RAPGEF4: variants seen among roughly 807,000 people sequenced by gnomAD.
RAPGEF4 encodes Rap guanine nucleotide exchange factor 4, also known as RAP guanine-nucleotide-exchange factor (GEF) 4.
A neutral mutation model predicts 147.9 loss-of-function variants in RAPGEF4; 66 were observed. The observed-to-expected ratio is 0.45, with a 90% CI of 0.37 to 0.55. The LOEUF (loss-of-function observed/expected upper bound fraction) is 0.55, where lower values mean the gene tolerates loss of function less well. RAPGEF4 is among the 20% of genes least tolerant of loss of function. The pLI is 0.00. For missense variants in RAPGEF4, 1,071 were observed against 1,257.3 expected, an observed-to-expected ratio of 0.85 and a Z score of 2.24; for synonymous variants, 419 against 442.7, an observed-to-expected ratio of 0.95 and a Z score of 0.67.
chr2:172,855,941 G>A (rs1312552989), intron 4 of RAPGEF4, among the ~76,000 whole-genome samples: 7 of 151,830 alleles, frequency 4.6e-5, no homozygotes, highest in Non-Finnish European at 8.8e-5. Flanking sequence ...TCTTTGTTTT[G>A]TTTTGTTTTT....
intron 4 of RAPGEF4, among the ~76,000 whole-genome samples, chr2:172,905,012 G>A (rs1035107261): frequency 4.0e-5 from 6 of 151,820 alleles, no homozygotes; most frequent in Non-Finnish European, 8.8e-5. Context: ...CTACCCTCCT[G>A]TCTTCCCCAA....
chr2:172,854,041 G>A (rs1693149680), intron 4 of RAPGEF4, among the ~76,000 whole-genome samples: 1 of 151,810 alleles, frequency 6.6e-6, no homozygotes, highest in Non-Finnish European at 1.5e-5. Flanking sequence ...AATCTATCAT[G>A]CACACTTGAA....
At chr2:172,884,074 T>C (rs532888037) in intron 4 of RAPGEF4, among the ~76,000 whole-genome samples, 1 of 152,244 alleles carries the variant, frequency 6.6e-6, no homozygotes, top group East Asian at 1.9e-4. Flanking sequence ...CCACAGCAAT[T>C]TTGCTACAAC....
chr2:172,804,238 C>T (rs1316497556), intron 3 of RAPGEF4, among the ~76,000 whole-genome samples: 1 of 152,122 alleles, frequency 6.6e-6, no homozygotes, highest in Non-Finnish European at 1.5e-5. Context: ...ATATTGCCTT[C>T]CTGTTTCAAG....
intron 4 of RAPGEF4, chr2:172,894,038 C>T (rs577476829): frequency 6.6e-6 from 1 of 152,342 alleles, no homozygotes; most frequent in Non-Finnish European, 1.5e-5. Context: ...AAGACTTCTT[C>T]GTTCTTGAAT....
chr2:172,938,257 G>C (rs1403810435), intron 6 of RAPGEF4, among the ~76,000 whole-genome samples: 1 of 150,354 alleles, frequency 6.7e-6, no homozygotes, highest in East Asian at 2.0e-4. Context: ...ACAACCATCT[G>C]TATCTATGTT....
At chr2:172,911,987 G>A (rs57487752) in intron 4 of RAPGEF4, among the ~76,000 whole-genome samples, 1 of 151,598 alleles carries the variant, frequency 6.6e-6, no homozygotes, top group Non-Finnish European at 1.5e-5. Context: ...GGCTGGTTTC[G>A]AACTCCTGGC....
intron 21 of RAPGEF4, among the ~76,000 whole-genome samples, chr2:173,018,098 G>A (rs1695673354): frequency 6.6e-6 from 1 of 152,182 alleles, no homozygotes; most frequent in Non-Finnish European, 1.5e-5. Flanking sequence ...TTGCTCCCAG[G>A]ATTTTTGTGT....
intron 3 of RAPGEF4, among the ~76,000 whole-genome samples, chr2:172,800,964 A>G (rs897939281): frequency 6.6e-6 from 1 of 152,184 alleles, no homozygotes; most frequent in African/African-American, 2.4e-5. Flanking sequence ...GGTAAGGAGC[A>G]AGGAGAGACC....
At chr2:172,871,779 AGCT>A (rs916490938) in intron 4 of RAPGEF4, among the ~76,000 whole-genome samples, 1 of 152,088 alleles carries the variant, frequency 6.6e-6, no homozygotes. Context: ...TGCATTGAGA[AGCT>A]GCTATTTTCA....
At chr2:172,903,089 C>T (rs1038482845) in intron 4 of RAPGEF4, among the ~76,000 whole-genome samples, 1 of 152,052 alleles carries the variant, frequency 6.6e-6, no homozygotes, top group East Asian at 1.9e-4. Flanking sequence ...AAAGTCTCGG[C>T]CAGGTGCGGT....
chr2:172,988,273 G>A lies in RAPGEF4; in HGVS notation c.1227+1G>A. 1 of 1,607,536 alleles carries A rather than the reference G, an allele frequency of 6.2e-7. No individual in the cohort carries two copies. On this transcript the variant is annotated splice_donor_variant, in intron 13 of 30. Transcript: ENST00000397081. LOFTEE classifies it high-confidence loss of function. The stretch of plus-strand genomic sequence containing the variant: ...AGTGAATGTAGTCATTTACGGCAAG[G>A]TATATATATCTTTTTCTTTTTGAAA...
intron 4 of RAPGEF4, among the ~76,000 whole-genome samples, chr2:172,897,426 T>A (rs1299679705): frequency 6.6e-6 from 1 of 151,868 alleles, no homozygotes; most frequent in Non-Finnish European, 1.5e-5. Flanking sequence ...AGAGACAGGG[T>A]CTCGCTCTGT....
intron 17 of RAPGEF4, among the ~76,000 whole-genome samples, chr2:173,005,550 G>T (rs1575496723): frequency 9.3e-6 from 1 of 107,442 alleles, no homozygotes. Context: ...TTGAGACAGA[G>T]TCTTGCTCTG....
At chr2:172,803,635 T>C (rs1687194450) in intron 3 of RAPGEF4, among the ~76,000 whole-genome samples, 1 of 152,206 alleles carries the variant, frequency 6.6e-6, no homozygotes, top group South Asian at 2.1e-4. Flanking sequence ...CCCTGTTACT[T>C]ATGCAAATTT....
intron 27 of RAPGEF4, among the ~76,000 whole-genome samples, chr2:173,034,571 G>A (rs1683669849): frequency 6.6e-6 from 1 of 152,114 alleles, no homozygotes; most frequent in Non-Finnish European, 1.5e-5. Flanking sequence ...CATAAGTGAA[G>A]TTATTTTAAA....
chr2:172,983,392 G>A, intron 10 of RAPGEF4, 104 bp from the exon 11 acceptor site: 2 of 1,514,774 alleles, frequency 1.3e-6, no homozygotes, highest in Non-Finnish European at 1.7e-6. Context: ...TTCTTGTGCA[G>A]AAGAAATCCC....
intron 30 of RAPGEF4, among the ~76,000 whole-genome samples, chr2:173,050,047 T>C (rs3769210): frequency 0.34 from 51,459 of 152,084 alleles, 9,181 homozygotes; most frequent in East Asian, 0.66. Context: ...ATGCTTTGTT[T>C]TATGAGCTTC....
chr2:173,035,459 G>C (rs534451611), intron 27 of RAPGEF4, among the ~76,000 whole-genome samples: 241 of 150,872 alleles, frequency 1.6e-3, no homozygotes, highest in African/African-American at 4.5e-3. Flanking sequence ...TGCAGTGAGC[G>C]GAGATCGCGC....
Sources: allele counts gnomAD v4.1 joint callset (sites outside exome capture counted in the v4.1 genomes callset), GRCh38; gene constraint gnomAD v4.1.1; transcripts MANE v1.5; gene names NCBI Gene and HGNC (gene_info 2026-07-23, HGNC 2026-07-21).